TAMM41: variants seen among roughly 807,000 people sequenced by gnomAD.
TAMM41 encodes TAM41 mitochondrial translocator assembly and maintenance homolog.
Under a neutral mutation model 44.1 loss-of-function variants are expected in TAMM41, and 36 were observed. The observed-to-expected ratio is 0.82, with a 90% CI of 0.63 to 1.08. The LOEUF (loss-of-function observed/expected upper bound fraction) is 1.08. Ranked by LOEUF, TAMM41 falls within the 50% of genes least tolerant of loss-of-function variation. The probability of loss-of-function intolerance (pLI) is 0.00; values close to 1 mark genes in which losing one functional copy is unlikely to be tolerated. For synonymous variants in TAMM41, 164 were observed against 153.1 expected, an observed-to-expected ratio of 1.07 and a Z score of -0.53; for missense variants, 417 against 404.3, an observed-to-expected ratio of 1.03 and a Z score of -0.27.
chr3:11,738,111 G>A, the TAMM41 span, among the ~76,000 whole-genome samples: 15 of 152,322 alleles, frequency 9.8e-5, no homozygotes, highest in Non-Finnish European at 1.9e-4. Context: ...GATGAGCCAC[G>A]ACTTGAACAT....
chr3:11,840,794 C>G (rs2079401726), intron 2 of TAMM41, among the ~76,000 whole-genome samples: 1 of 151,906 alleles, frequency 6.6e-6, no homozygotes, highest in African/African-American at 2.4e-5. Flanking sequence ...AATAAAAAAC[C>G]TAAAGCTCAG....
the TAMM41 span, among the ~76,000 whole-genome samples, chr3:11,784,179 T>C: frequency 1.3e-5 from 2 of 152,154 alleles, no homozygotes; most frequent in African/African-American, 4.8e-5. Flanking sequence ...GGGAGAAAGA[T>C]GCCGTATCTA....
intron 3 of TAMM41, among the ~76,000 whole-genome samples, chr3:11,834,503 T>C (rs1029655549): frequency 2.0e-5 from 3 of 152,194 alleles, no homozygotes; most frequent in Non-Finnish European, 4.4e-5. Flanking sequence ...CAATGCTATA[T>C]TAAACACTTT....
intron 3 of TAMM41, among the ~76,000 whole-genome samples, chr3:11,832,443 T>C (rs564061226): frequency 9.2e-5 from 14 of 152,282 alleles, no homozygotes; most frequent in African/African-American, 3.4e-4. Context: ...AGGATGTGCA[T>C]AAGTTATATG....
chr3:11,725,540 G>A, the TAMM41 span, among the ~76,000 whole-genome samples: 6 of 151,784 alleles, frequency 4.0e-5, no homozygotes, highest in African/African-American at 1.5e-4. Context: ...CTAGGCTCAG[G>A]TGATTCTCCC....
chr3:11,811,851 T>C (rs1354526754), intron 5 of TAMM41, among the ~76,000 whole-genome samples: 2 of 152,226 alleles, frequency 1.3e-5, no homozygotes, highest in East Asian at 3.8e-4. Context: ...ATTGTGGTGA[T>C]GGCTGTGCAG....
At position 11,807,899 on chromosome 3, in the gene TAMM41, C is replaced by G. The variant is rs201012206; in HGVS notation, c.875-4G>C. 7 of 1,503,268 alleles carry G rather than the reference C, an allele frequency of 4.7e-6. No individual in the cohort carries two copies. Among genetic ancestry groups the G allele is most frequent in the Middle Eastern group, 1.7e-4 (1 of 5,818 alleles). The allele number at this position is 1,503,268 out of a possible 1,614,324, so 93.1% of individuals were successfully genotyped here. On this transcript the variant is annotated splice_polypyrimidine_tract_variant and splice_region_variant and intron_variant, in intron 6 of 7. Coordinates refer to ENST00000455809, the MANE Select transcript of TAMM41 (RefSeq NM_001284401.2). The stretch of plus-strand genomic sequence containing the variant: ...GGTCTCACGATTGCTGAAAGCCCTG[C>G]GAGAAAAAAACCAAAAAGGAGACCA...
chr3:11,749,262 G>A, the TAMM41 span, among the ~76,000 whole-genome samples: 4 of 152,268 alleles, frequency 2.6e-5, no homozygotes, highest in Admixed American at 1.3e-4. Flanking sequence ...AAAGAGGCTC[G>A]GATTTGTTAA....
At chr3:11,844,840 A>C (rs187184639) in intron 1 of TAMM41, 66 of 448,754 alleles carry the variant, frequency 1.5e-4, no homozygotes, top group African/African-American at 1.3e-3. Context: ...TGGAGAGAAT[A>C]AACAAATTAT....
chr3:11,764,483 A>ATTTTTTTTTTTTTTT, the TAMM41 span, among the ~76,000 whole-genome samples: 2 of 86,330 alleles, frequency 2.3e-5, no homozygotes, highest in African/African-American at 1.0e-4. Flanking sequence ...CCATAATCTT[A>ATTTTTTTTTTTTTTT]TTCTTTTTTT....
At chr3:11,761,562 T>C in the TAMM41 span, among the ~76,000 whole-genome samples, 4 of 152,124 alleles carry the variant, frequency 2.6e-5, no homozygotes, top group Non-Finnish European at 4.4e-5. Context: ...TTATAAGCCA[T>C]AGTTCCAAAT....
chr3:11,842,537 T>A (rs2079497820), intron 2 of TAMM41, among the ~76,000 whole-genome samples: 1 of 150,328 alleles, frequency 6.7e-6, no homozygotes. Context: ...CTACAAAAAA[T>A]ACAACAATTA....
At chr3:11,729,539 ATTTTTTTTTTTTTTTTTT>A in the TAMM41 span, among the ~76,000 whole-genome samples, 1,270 of 32,240 alleles carry the variant, frequency 0.039, 14 homozygotes, top group Middle Eastern at 0.2. Flanking sequence ...TCTTTCTTTC[ATTTTTTTTTTTTTTTTTT>A]TTTTTTTTTT....
At chr3:11,826,635 G>T (rs1303418114) in intron 4 of TAMM41, 2 of 151,632 alleles carry the variant, frequency 1.3e-5, no homozygotes, top group Non-Finnish European at 2.9e-5. Flanking sequence ...AAGAAAACTG[G>T]GGGCTCAGAA....
intron 5 of TAMM41, among the ~76,000 whole-genome samples, chr3:11,811,838 T>G (rs1267173212): frequency 6.6e-6 from 1 of 152,208 alleles, no homozygotes; most frequent in Admixed American, 6.5e-5. Flanking sequence ...ATTCTAAAAT[T>G]ACATTGTGGT....
the TAMM41 span, among the ~76,000 whole-genome samples, chr3:11,739,892 G>C: frequency 6.6e-6 from 1 of 152,096 alleles, no homozygotes; most frequent in African/African-American, 2.4e-5. Context: ...GCAAGACTGT[G>C]TTTTATTCAC....
Position 11,809,599 on chromosome 3 carries a change from G to A in TAMM41, c.792C>T (p.Asp264=). The change falls in exon 6 of 8, where the codon GAC becomes GAT. Residue 264 remains aspartate (D), a synonymous_variant. Coordinates refer to ENST00000455809, the MANE Select transcript of TAMM41 (RefSeq NM_001284401.2). ...CCACATCTCTGTTTTTTCCAGGAGG[G>A]TCCATAATATGATTTATCTGTTGCT... ...TLQQQINHIM[D]PPGKNRDVEE... 6.2e-7 allele frequency: 1 copy of A among 1,613,982 alleles called. No individual in the cohort carries two copies.
chr3:11,819,034 G>A (rs2078404033), intron 4 of TAMM41, among the ~76,000 whole-genome samples: 1 of 152,100 alleles, frequency 6.6e-6, no homozygotes, highest in Non-Finnish European at 1.5e-5. Flanking sequence ...ACTTGTTTTT[G>A]TCACTATTAT....
chr3:11,761,165 C>CAA, the TAMM41 span, among the ~76,000 whole-genome samples: 3,868 of 106,102 alleles, frequency 0.036, 78 homozygotes, highest in Middle Eastern at 0.065. Context: ...GACTCTGTCT[C>CAA]AAAAAAAAAA....
Sources: allele counts gnomAD v4.1 joint callset (sites outside exome capture counted in the v4.1 genomes callset), GRCh38; gene constraint gnomAD v4.1.1; transcripts MANE v1.5; gene names NCBI Gene and HGNC (gene_info 2026-07-23, HGNC 2026-07-21).